IFI16: variants seen among roughly 807,000 people sequenced by gnomAD.
IFI16 encodes gamma-interferon-inducible protein 16.
A neutral mutation model predicts 68.4 loss-of-function variants in IFI16; 49 were observed. The observed-to-expected ratio is 0.72, with a 90% CI of 0.57 to 0.91. The LOEUF is 0.91. Among genes scored for constraint, IFI16 ranks in the 40% least tolerant of loss-of-function variants. IFI16 has a pLI of 0.00. For missense variants in IFI16, 878 were observed against 942.9 expected (o/e 0.93, Z 0.90); for synonymous variants, 307 against 315.0 (o/e 0.97, Z 0.27).
chr1:159,016,042 G>A (rs536691090), intron 3 of IFI16, 55 bp downstream of exon 3: 14 of 1,114,070 alleles, frequency 1.3e-5, no homozygotes, highest in East Asian at 1.2e-4. Flanking sequence ...GCTCTGCTAC[G>A]GCTCTTCCAC....
intron 9 of IFI16, 46 bp downstream of exon 9, chr1:159,049,645 T>C (rs541789133): frequency 1.9e-6 from 3 of 1,610,382 alleles, no homozygotes; most frequent in East Asian, 4.5e-5. Context: ...TACTATATAA[T>C]GACAAGGATT....
chr1:159,054,824 A>G lies in IFI16; in HGVS notation c.2281A>G (p.Ile761Val), dbSNP rs1227127329. The G allele has an allele frequency of 6.3e-7, 1 of 1,585,644 alleles. No individual in the cohort carries two copies. Among genetic ancestry groups the G allele is most frequent in the Admixed American group, 1.7e-5 (1 of 59,346 alleles). The change falls in exon 12 of 12, where the codon ATC becomes GTC. Residue 761 changes from isoleucine to valine, a missense_variant. Physicochemically the swap from Ile to Val is conservative, Grantham distance 29 (BLOSUM62 3). Transcript: ENST00000295809. ...CTTTATCTCTTTCTCCTTCAAGGTCATCAAGACCAGGAAAAACAAGAAAGA... is the reference window on the plus strand; with the variant it reads ...CTTTATCTCTTTCTCCTTCAAGGTCGTCAAGACCAGGAAAAACAAGAAAGA... ...RSVIHSHIKV[I>V]KTRKNKKDIL...
intron 8 of IFI16, among the ~76,000 whole-genome samples, chr1:159,047,983 G>A (rs568916324): frequency 7.1e-6 from 1 of 141,088 alleles, no homozygotes; most frequent in South Asian, 2.3e-4. Context: ...TCCAAACTGG[G>A]CTACTGTGAT....
intron 9 of IFI16, among the ~76,000 whole-genome samples, chr1:159,049,929 A>G (rs1446761919): frequency 3.3e-5 from 5 of 151,050 alleles, no homozygotes; most frequent in Admixed American, 1.3e-4. Flanking sequence ...CCATAACACT[A>G]TCACTGATTT....
chr1:159,016,209 T>C (rs1309879185), intron 3 of IFI16, among the ~76,000 whole-genome samples: 1 of 152,260 alleles, frequency 6.6e-6, no homozygotes. Flanking sequence ...ATGTGATACC[T>C]TCATTCTAGT....
chr1:159,036,808 GT>G (rs1654352056), intron 7 of IFI16, among the ~76,000 whole-genome samples: 1 of 152,162 alleles, frequency 6.6e-6, no homozygotes, highest in Non-Finnish European at 1.5e-5. Flanking sequence ...AATTTTCCAA[GT>G]TAGTGTCTCA....
chr1:159,021,837 T>G (rs1268247211), intron 6 of IFI16, among the ~76,000 whole-genome samples: 2 of 152,188 alleles, frequency 1.3e-5, no homozygotes, highest in African/African-American at 4.8e-5. Flanking sequence ...TTGATTTGCA[T>G]TTCCCTGATC....
At position 159,045,474 on chromosome 1, in the gene IFI16, C is replaced by T. The variant is rs1161597555; in HGVS notation, c.1497+10C>T. 1 of 1,604,398 alleles carries T rather than the reference C, an allele frequency of 6.2e-7. No individual in the cohort carries two copies. The highest frequency in any genetic ancestry group is 1.1e-5 in the South Asian group (1 of 90,370). ...CAGTTTCTTAACCACGGTACAAGTT[C>T]CCTCTTCCCAATACATTCCCCTCAC... is the stretch of plus-strand genomic sequence containing the variant. On this transcript the variant is annotated intron_variant, in intron 8 of 11. Transcript: ENST00000295809.
At chr1:159,021,957 T>C (rs1653349343) in intron 6 of IFI16, among the ~76,000 whole-genome samples, 1 of 2,522 alleles carries the variant, frequency 4.0e-4, no homozygotes, top group African/African-American at 8.0e-4. Context: ...TTTTTTTTTT[T>C]TTTTTTTTTT....
upstream of IFI16, among the ~76,000 whole-genome samples, chr1:159,001,659 C>A (rs1392332185): frequency 6.6e-6 from 1 of 152,130 alleles, no homozygotes; most frequent in Non-Finnish European, 1.5e-5. Context: ...ACACAGTCAA[C>A]TCAGCATGTT....
chr1:159,038,523 C>T (rs531366366), intron 7 of IFI16, among the ~76,000 whole-genome samples: 35 of 152,048 alleles, frequency 2.3e-4, no homozygotes, highest in Admixed American at 1.7e-3. Flanking sequence ...CGCTACCAGG[C>T]CTGGCTAATT....
chr1:159,034,861 A>G (rs1571870213), intron 7 of IFI16, among the ~76,000 whole-genome samples: 1 of 152,344 alleles, frequency 6.6e-6, no homozygotes, highest in East Asian at 1.9e-4. Flanking sequence ...CCCCAGAGGA[A>G]CAGAATACAA....
chr1:159,046,493 T>C (rs978147993), intron 8 of IFI16, among the ~76,000 whole-genome samples: 3 of 151,364 alleles, frequency 2.0e-5, no homozygotes, highest in African/African-American at 7.3e-5. Context: ...ATACAATGAT[T>C]TGAGATATGA....
chr1:159,033,671 A>G (rs1457541190), intron 7 of IFI16, among the ~76,000 whole-genome samples: 1 of 152,246 alleles, frequency 6.6e-6, no homozygotes, highest in Non-Finnish European at 1.5e-5. Flanking sequence ...ATTTAAACCT[A>G]AAACGTGAAA....
At chr1:159,044,758 T>A (rs528917615) in intron 7 of IFI16, among the ~76,000 whole-genome samples, 17 of 152,266 alleles carry the variant, frequency 1.1e-4, no homozygotes, top group East Asian at 5.8e-4. Context: ...AGATTCTGAT[T>A]GCCTGATCCA....
intron 7 of IFI16, among the ~76,000 whole-genome samples, chr1:159,040,941 G>GTACA (rs1305783839): frequency 6.6e-6 from 1 of 152,200 alleles, no homozygotes; most frequent in Non-Finnish European, 1.5e-5. Context: ...ACATGTGTGT[G>GTACA]TACACTAACA....
chr1:159,005,947 T>C (rs1652239786), upstream of IFI16: 1 of 152,818 alleles, frequency 6.5e-6, no homozygotes, highest in Admixed American at 6.5e-5. Context: ...AGCTTTTCCT[T>C]CCTTGTTTCT....
Position 159,045,407 on chromosome 1 carries a change from C to T in IFI16, c.1440C>T (p.Ser480=), listed in dbSNP as rs1654914742. Residue 480 remains serine (S), a synonymous_variant, in exon 8 of 12, where the codon AGC becomes AGT. Coordinates refer to ENST00000295809, the MANE Select transcript of IFI16 (RefSeq NM_001376587.1). ...PFMTSIGPAE[S]HPHTPQMPPS... The stretch of plus-strand genomic sequence containing the variant: ...TGACCAGCATAGGCCCAGCTGAGAG[C>T]CATCCCCACACTCCTCAGATGCCTC... 2 of 1,587,918 alleles carry T rather than the reference C, an allele frequency of 1.3e-6. No homozygotes were observed. The highest frequency in any genetic ancestry group is 1.7e-6 in the Non-Finnish European group (2 of 1,165,216).
At chr1:159,044,966 T>C (rs568569397) in intron 7 of IFI16, among the ~76,000 whole-genome samples, 2 of 152,072 alleles carry the variant, frequency 1.3e-5, no homozygotes, top group East Asian at 1.9e-4. Context: ...TAGCCAACTT[T>C]ATTGCAAGCC....
Sources: gnomAD v4.1 joint callset for allele counts (sites outside exome capture counted in the v4.1 genomes callset) on GRCh38, gnomAD v4.1.1 for gene constraint, MANE v1.5 for transcripts, NCBI Gene and HGNC (gene_info 2026-07-23, HGNC 2026-07-21) for gene names.